Variants in SYNE2 observed in about 807,000 individuals in gnomAD.
The protein encoded by SYNE2 is nesprin-2.
A neutral mutation model predicts 856.3 loss-of-function variants in SYNE2; 431 were observed. That is an observed-to-expected ratio of 0.50 (90% CI 0.47 to 0.55). The LOEUF (loss-of-function observed/expected upper bound fraction) is 0.55, where lower values mean the gene tolerates loss of function less well. Among genes scored for constraint, SYNE2 ranks in the 20% least tolerant of loss-of-function variants. SYNE2 has a pLI of 0.00. For synonymous variants in SYNE2, 2,923 were observed against 2,872.3 expected, an observed-to-expected ratio of 1.02 and a Z score of -0.56; for missense variants, 8,129 against 8,023.2, an observed-to-expected ratio of 1.01 and a Z score of -0.50.
chr14:64,051,954 G>C lies in SYNE2; in HGVS notation c.8041G>C (p.Val2681Leu), dbSNP rs150946074. 6.2e-7 allele frequency: 1 copy of C among 1,613,890 alleles called. No individual in the cohort carries two copies. The highest frequency in any genetic ancestry group is 8.5e-7 in the Non-Finnish European group (1 of 1,180,040). ...CCAGGCTACCAAGCATGGATTTTCT[G>C]TTTTAAAGGGGCAAGCTGAACTTCA... ...DLQATKHGFS[V>L]LKGQAELQMK... The change falls in exon 48 of 116, where the codon GTT becomes CTT. Residue 2681 changes from valine (V) to leucine (L), a missense_variant. Physicochemically the swap from Val to Leu is conservative, Grantham distance 32. Around this residue, in one of 3 missense-constraint regions of SYNE2, gnomAD observed 5,410 missense variants for 5,284.8 expected, o/e 1.02. Coordinates refer to ENST00000555002, the MANE Select transcript of SYNE2 (RefSeq NM_182914.3).
chr14:64,065,527 CAT>C lies in SYNE2; in HGVS notation c.10311_10312del (p.Ile3437MetfsTer21). 6.2e-7 allele frequency: 1 copy of C among 1,613,972 alleles called. No homozygotes were observed. Among genetic ancestry groups the C allele is most frequent in the Non-Finnish European group, 8.5e-7 (1 of 1,179,992 alleles). On this transcript the variant is annotated frameshift_variant, in exon 51 of 116. Coordinates refer to ENST00000555002, the MANE Select transcript of SYNE2 (RefSeq NM_182914.3). LOFTEE classifies it high-confidence loss of function. The stretch of plus-strand genomic sequence containing the variant: ...GACTCAGGTGCACAGAAAATGATGG[CAT>C]ATGTTTGCTCAAGATTGTGTCGGCT... Reference protein sequence around the residue: ...LRLRCTENDGICLLKIVSALW... With the variant: ...LRLRCTENDGXCLLKIVSALW...
At chr14:64,219,434 A>AG in intron 110 of SYNE2, 24 bp downstream of exon 110, 8 of 1,610,262 alleles carry the variant, frequency 5.0e-6, no homozygotes, top group Non-Finnish European at 5.9e-6. Context: ...GTGGTGGGGA[A>AG]GAGGGATTCA....
At chr14:63,980,349 A>G (rs2096576390) in intron 14 of SYNE2, among the ~76,000 whole-genome samples, 1 of 152,262 alleles carries the variant, frequency 6.6e-6, no homozygotes, top group Non-Finnish European at 1.5e-5. Context: ...TGTGCAAAGT[A>G]GGAGATCCTG....
chr14:64,221,830 G>C (rs781644086), intron 112 of SYNE2, 126 bp downstream of exon 112: 1 of 1,146,454 alleles, frequency 8.7e-7, no homozygotes, highest in African/African-American at 1.5e-5. Context: ...GTAAATGCAC[G>C]AGTTCAGCCC....
At position 64,158,745 on chromosome 14, in the gene SYNE2, C is replaced by G; in HGVS notation, c.15913C>G (p.Pro5305Ala). Residue 5305 changes from proline (P) to alanine (A), a missense_variant, in exon 86 of 116, where the codon CCT (proline) becomes GCT (alanine). Transcript: ENST00000555002. ...RFWYCMEHSK[P>A]VVLSLETLRC... ...CTGGTACTGCATGGAACACAGCAAG[C>G]CTGTGGTGTTATCATTGGAGACCTT... The G allele has an allele frequency of 2.5e-6, 4 of 1,613,846 alleles. No individual in the cohort carries two copies. Among genetic ancestry groups the G allele is most frequent in the Non-Finnish European group, 3.4e-6 (4 of 1,179,886 alleles).
At chr14:63,820,521 C>T (rs531563794) in intron 1 of SYNE2, among the ~76,000 whole-genome samples, 1 of 152,126 alleles carries the variant, frequency 6.6e-6, no homozygotes, top group Non-Finnish European at 1.5e-5. Context: ...ATAAACAATT[C>T]ATAAAGAAAA....
intron 11 of SYNE2, among the ~76,000 whole-genome samples, chr14:63,969,357 T>C (rs1281505002): frequency 1.0e-5 from 1 of 98,432 alleles, no homozygotes; most frequent in Non-Finnish European, 2.0e-5. Context: ...TTTTTTTTTT[T>C]TTGAGATGGG....
chr14:63,905,446 G>GT (rs1474392927), intron 1 of SYNE2, among the ~76,000 whole-genome samples: 4 of 152,208 alleles, frequency 2.6e-5, no homozygotes, highest in East Asian at 1.9e-4. Context: ...GGCATGGAAC[G>GT]TTTTTCCCTT....
intron 2 of SYNE2, among the ~76,000 whole-genome samples, chr14:63,917,592 T>C (rs2153369990): frequency 6.6e-6 from 1 of 152,328 alleles, no homozygotes; most frequent in South Asian, 2.1e-4. Flanking sequence ...TGCCTCAGAC[T>C]CCCGAGTAGT....
chr14:64,218,899 G>C (rs1315816928), intron 109 of SYNE2, among the ~76,000 whole-genome samples: 2 of 152,148 alleles, frequency 1.3e-5, no homozygotes, highest in East Asian at 3.8e-4. Context: ...CATCGACCTG[G>C]TCATTTGTGG....
rs2153650321 is a variant in SYNE2 at position 64,107,506 on chromosome 14, A to G, written c.12508A>G (p.Ile4170Val). 6.2e-7 allele frequency: 1 copy of G among 1,614,164 alleles called. No homozygotes were observed. Among genetic ancestry groups the G allele is most frequent in the Non-Finnish European group, 8.5e-7 (1 of 1,179,990 alleles). Reference sequence around the variant, plus strand: ...TTCTTTACAGGAAGCATATGGGAAAATAAGCACCTCTGATAATTCCATGGC... The same window carrying G: ...TTCTTTACAGGAAGCATATGGGAAAGTAAGCACCTCTGATAATTCCATGGC... Reference protein sequence around the residue: ...GTIVQEAYGKISTSDNSMAQI... With the variant: ...GTIVQEAYGKVSTSDNSMAQI... The change falls in exon 65 of 116, where the codon ATA (isoleucine) becomes GTA (valine). Residue 4170 changes from isoleucine to valine, a missense_variant. This residue lies in a region of SYNE2 where 5,410 missense variants were observed against 5,284.8 expected (regional missense o/e 1.02). Transcript: ENST00000555002.
At position 64,130,234 on chromosome 14, in the gene SYNE2, A is replaced by G; in HGVS notation, c.14326A>G (p.Ile4776Val). ...AAGTAAAGTGGCGTTACAGGCTCAA[A>G]TAGAAAATCACAAGGTGAGACAGAC... Reference protein sequence around the residue: ...TKSKVALQAQIENHKVFFQKL... With the variant: ...TKSKVALQAQVENHKVFFQKL... Residue 4776 changes from isoleucine to valine, a missense_variant, in exon 76 of 116, where the codon ATA becomes GTA. Physicochemically the swap from Ile to Val is conservative, Grantham distance 29 (BLOSUM62 3). This residue lies in a region of SYNE2 where 5,410 missense variants were observed against 5,284.8 expected (regional missense o/e 1.02). Coordinates refer to ENST00000555002, the MANE Select transcript of SYNE2 (RefSeq NM_182914.3). The G allele has an allele frequency of 6.2e-7, 1 of 1,612,576 alleles. No homozygotes were observed. The highest frequency in any genetic ancestry group is 1.1e-5 in the South Asian group (1 of 90,710).
At chr14:63,913,540 G>T in intron 2 of SYNE2, among the ~76,000 whole-genome samples, 1 of 149,378 alleles carries the variant, frequency 6.7e-6, no homozygotes, top group African/African-American at 2.5e-5. Flanking sequence ...TCGGTTCACT[G>T]CAACCTCCGC....
intron 82 of SYNE2, 53 bp from the exon 83 acceptor site, chr14:64,143,719 T>G (rs930669889): frequency 1.3e-6 from 2 of 1,599,014 alleles, no homozygotes; most frequent in African/African-American, 2.7e-5. Flanking sequence ...GGAAATCCAT[T>G]TGATCTGACC....
intron 61 of SYNE2, among the ~76,000 whole-genome samples, chr14:64,094,703 A>G (rs1020047378): frequency 1.3e-5 from 2 of 152,210 alleles, no homozygotes; most frequent in African/African-American, 2.4e-5. Context: ...ATGAAGACTC[A>G]GTATTGTAAA....
intron 45 of SYNE2, among the ~76,000 whole-genome samples, chr14:64,047,409 T>C (rs1391525096): frequency 1.3e-5 from 2 of 151,688 alleles, no homozygotes; most frequent in Admixed American, 6.6e-5. Flanking sequence ...AGGGGAAGGG[T>C]GGGGATCAAT....
At chr14:64,021,777 A>G in intron 36 of SYNE2, 80 bp from the exon 37 acceptor site, 2 of 1,504,568 alleles carry the variant, frequency 1.3e-6, no homozygotes, top group Non-Finnish European at 1.8e-6. Context: ...GATTTTTACA[A>G]AACAATTGAG....
rs558229969 is a variant in SYNE2 at position 63,964,312 on chromosome 14, G to A, written c.990+312G>A. Among the ~76,000 whole-genome samples the A allele has an allele frequency of 2.6e-5, 4 of 152,204 alleles. No homozygotes were observed. In the South Asian group the frequency reaches 8.3e-4, roughly 32 times the overall value. On this transcript the variant is annotated intron_variant, in intron 10 of 115. Transcript: ENST00000555002. ...TTGAGCAGCATGGTTTTAGAGCAGG[G>A]GTTGGCCCATTTTGTAAATAAAATG...
chr14:64,212,048 G>T lies in SYNE2; in HGVS notation c.18811G>T (p.Val6271Leu), dbSNP rs758990007. 1.9e-6 allele frequency: 3 copies of T among 1,614,176 alleles called. No individual in the cohort carries two copies. Among genetic ancestry groups the T allele is most frequent in the Non-Finnish European group, 2.5e-6 (3 of 1,180,020 alleles). The change falls in exon 104 of 116, where the codon GTG (valine) becomes TTG (leucine). Residue 6271 changes from valine (V) to leucine (L), a missense_variant. Val to Leu is a conservative substitution (Grantham distance 32, BLOSUM62 1). Coordinates refer to ENST00000555002, the MANE Select transcript of SYNE2 (RefSeq NM_182914.3). The stretch of plus-strand genomic sequence containing the variant: ...AGAGATGGACCTGCAGCTGACCAAC[G>T]TGGAGCACTTCTCAGAGAGTGACGC... Reference protein sequence around the residue: ...LTEMDLQLTNVEHFSESDADD... With the variant: ...LTEMDLQLTNLEHFSESDADD...
Sources: allele counts gnomAD v4.1 joint callset (sites outside exome capture counted in the v4.1 genomes callset), GRCh38; gene constraint gnomAD v4.1.1; regional missense constraint gnomAD v4.1.1; transcripts MANE v1.5; gene names NCBI Gene and HGNC (gene_info 2026-07-23, HGNC 2026-07-21).